The following PROCR variants were observed in gnomAD, a reference collection of about 807,000 sequenced individuals.
The protein encoded by PROCR is endothelial protein C receptor.
In PROCR, 22 loss-of-function variants were observed where a neutral mutation model predicts 24.2. That is an observed-to-expected ratio of 0.91 (90% confidence interval 0.65 to 1.30). The LOEUF (loss-of-function observed/expected upper bound fraction) is 1.30. PROCR is among the 50% of genes most tolerant of loss of function. The pLI is 0.00. For missense variants in PROCR, 288 were observed against 307.7 expected (o/e 0.94, Z 0.48); for synonymous variants, 137 against 139.2 (o/e 0.98, Z 0.11).
At chr20:35,191,583 A>G (rs1044856866) in intron 1 of PROCR, among the ~76,000 whole-genome samples, 1 of 152,208 alleles carries the variant, frequency 6.6e-6, no homozygotes, top group African/African-American at 2.4e-5. Flanking sequence ...CTCTGGAATA[A>G]GATGACAGTT....
intron 1 of PROCR, among the ~76,000 whole-genome samples, chr20:35,198,160 C>T (rs1204464257): frequency 6.6e-6 from 1 of 151,402 alleles, no homozygotes; most frequent in Non-Finnish European, 1.5e-5. Flanking sequence ...GGCATAGTAG[C>T]GGGTGCCTGT....
chr20:35,182,973 CAAAAAAAA>C (rs71333786), intron 1 of PROCR, among the ~76,000 whole-genome samples: 5 of 110,772 alleles, frequency 4.5e-5, no homozygotes, highest in South Asian at 5.5e-4. Flanking sequence ...GACTCCGTCT[CAAAAAAAA>C]AAAAAAAAAA....
chr20:35,176,953 C>A lies in PROCR; in HGVS notation c.*140C>A. On this transcript the variant is annotated 3_prime_UTR_variant, in exon 4 of 4. Coordinates refer to ENST00000216968, the MANE Select transcript of PROCR (RefSeq NM_006404.5). Reference sequence around the variant, plus strand: ...GCTCCTTTCTTCTCCCACATCTGCCCACTGAAGATTTGAGGGAGGGGAGAT... The same window carrying A: ...GCTCCTTTCTTCTCCCACATCTGCCAACTGAAGATTTGAGGGAGGGGAGAT... The A allele has an allele frequency of 6.6e-7, 1 of 1,514,432 alleles. No individual in the cohort carries two copies. The highest frequency in any genetic ancestry group is 2.0e-5 in the Admixed American group (1 of 49,074). The allele number at this position is 1,514,432 out of a possible 1,614,324, so 93.8% of individuals were successfully genotyped here.
intron 1 of PROCR, among the ~76,000 whole-genome samples, chr20:35,188,221 G>T (rs922266582): frequency 1.3e-5 from 2 of 152,316 alleles, no homozygotes; most frequent in South Asian, 4.1e-4. Context: ...TGTGCTAACT[G>T]CTAGCAGGGA....
downstream of PROCR, among the ~76,000 whole-genome samples, chr20:35,178,608 C>T (rs1476813848): frequency 4.7e-5 from 5 of 106,454 alleles, no homozygotes; most frequent in Admixed American, 9.5e-5. Context: ...CTCCGCCTCC[C>T]GGGTTCACGC....
chr20:35,212,130 A>C (rs765052664), intron 1 of PROCR, among the ~76,000 whole-genome samples: 14 of 152,214 alleles, frequency 9.2e-5, no homozygotes, highest in Non-Finnish European at 1.9e-4. Flanking sequence ...ACTTTGAGTA[A>C]GAACTTTTTA....
chr20:35,213,764 AG>A (rs556816850), intron 1 of PROCR, among the ~76,000 whole-genome samples: 180 of 152,322 alleles, frequency 1.2e-3, no homozygotes, highest in African/African-American at 4.1e-3. Flanking sequence ...AGATACAAAA[AG>A]GTATACAGTG....
intron 1 of PROCR, among the ~76,000 whole-genome samples, chr20:35,205,045 G>A (rs367871368): frequency 1.3e-5 from 2 of 152,114 alleles, no homozygotes; most frequent in South Asian, 2.1e-4. Flanking sequence ...GGGTGAAGCG[G>A]GCAGATCACC....
intron 1 of PROCR, among the ~76,000 whole-genome samples, chr20:35,184,837 C>A (rs746629739): frequency 1.4e-4 from 22 of 151,968 alleles, no homozygotes; most frequent in Non-Finnish European, 2.8e-4. Flanking sequence ...GACAAAAAAA[C>A]CAAAAGCAGT....
intron 1 of PROCR, among the ~76,000 whole-genome samples, chr20:35,211,215 T>C (rs956931522): frequency 2.6e-5 from 4 of 152,186 alleles, no homozygotes; most frequent in African/African-American, 9.7e-5. Flanking sequence ...AAACCAGTGT[T>C]GCAAAGGACT....
At chr20:35,187,732 A>C (rs1299836819) in intron 1 of PROCR, among the ~76,000 whole-genome samples, 1 of 152,186 alleles carries the variant, frequency 6.6e-6, no homozygotes, top group Non-Finnish European at 1.5e-5. Context: ...ACGTATGTGA[A>C]TACATGTTCA....
At chr20:35,186,437 A>C (rs2086126937) in intron 1 of PROCR, among the ~76,000 whole-genome samples, 1 of 151,982 alleles carries the variant, frequency 6.6e-6, no homozygotes, top group Non-Finnish European at 1.5e-5. Context: ...ATGGTAGCAC[A>C]TGCCTGTAAT....
chr20:35,197,955 G>A (rs555247348), intron 1 of PROCR, among the ~76,000 whole-genome samples: 1 of 152,006 alleles, frequency 6.6e-6, no homozygotes, highest in Admixed American at 6.6e-5. Context: ...TACACCAAAT[G>A]GTTAGCCGAG....
chr20:35,209,888 T>G (rs1231722974), intron 1 of PROCR, among the ~76,000 whole-genome samples: 2 of 152,168 alleles, frequency 1.3e-5, no homozygotes, highest in African/African-American at 4.8e-5. Flanking sequence ...CTTGAACCAG[T>G]GGTCTTCATA....
intron 2 of PROCR, among the ~76,000 whole-genome samples, chr20:35,175,795 A>C: frequency 6.6e-6 from 1 of 151,718 alleles, no homozygotes; most frequent in African/African-American, 2.4e-5. Context: ...CATGTTGGCC[A>C]GGCTGGTCTC....
At chr20:35,197,648 C>G (rs998081111) in intron 1 of PROCR, among the ~76,000 whole-genome samples, 1 of 151,380 alleles carries the variant, frequency 6.6e-6, no homozygotes, top group African/African-American at 2.4e-5. Flanking sequence ...ATGGTGAAAC[C>G]CCATCTCTAC....
At chr20:35,191,672 C>A (rs1308871212) in intron 1 of PROCR, among the ~76,000 whole-genome samples, 2 of 152,210 alleles carry the variant, frequency 1.3e-5, no homozygotes, top group Admixed American at 6.5e-5. Context: ...AGTGCAAAAG[C>A]TCTGAGGAGT....
At chr20:35,190,323 G>T (rs2086162879) in intron 1 of PROCR, among the ~76,000 whole-genome samples, 2 of 152,046 alleles carry the variant, frequency 1.3e-5, no homozygotes, top group African/African-American at 4.8e-5. Flanking sequence ...ATTACTTCAT[G>T]GGGATCCTGG....
chr20:35,191,300 G>T (rs1056351059), intron 1 of PROCR, among the ~76,000 whole-genome samples: 3 of 152,088 alleles, frequency 2.0e-5, no homozygotes, highest in African/African-American at 7.2e-5. Flanking sequence ...AATTTATTGA[G>T]TCGGGTCACT....
Sources: allele counts gnomAD v4.1 joint callset (sites outside exome capture counted in the v4.1 genomes callset), GRCh38; gene constraint gnomAD v4.1.1; transcripts MANE v1.5; gene names NCBI Gene and HGNC (gene_info 2026-07-23, HGNC 2026-07-21).